Variants in ANKRD33B observed in about 807,000 individuals in gnomAD.
ANKRD33B encodes the protein ankyrin repeat domain 33B, also known as ankyrin repeat domain-containing protein 33B.
ANKRD33B carries 6 observed loss-of-function variants against 21.5 expected under a neutral mutation model. The ratio of observed to expected loss-of-function variants is 0.28; its 90% CI spans 0.15 to 0.55. ANKRD33B has a LOEUF of 0.55. Ranked by LOEUF, ANKRD33B falls within the 20% of genes least tolerant of loss-of-function variation. The pLI is 0.94. For synonymous variants in ANKRD33B, 347 were observed against 342.4 expected, an observed-to-expected ratio of 1.01 and a Z score of -0.15; for missense variants, 698 against 747.2, an observed-to-expected ratio of 0.93 and a Z score of 0.77.
At chr5:10,624,958 C>T (rs542434091) in intron 2 of ANKRD33B, 19 of 356,868 alleles carry the variant, frequency 5.3e-5, no homozygotes, top group African/African-American at 2.8e-4. Context: ...GCCCAGGGAC[C>T]CCACATTGAG....
intron 3 of ANKRD33B, among the ~76,000 whole-genome samples, chr5:10,641,565 C>T (rs1008808461): frequency 3.9e-5 from 6 of 152,096 alleles, no homozygotes; most frequent in Middle Eastern, 3.4e-3. Flanking sequence ...TCTGTCATAA[C>T]CTGTTGCCCA....
intron 1 of ANKRD33B, among the ~76,000 whole-genome samples, chr5:10,565,669 TAAG>T (rs1735032882): frequency 6.6e-6 from 1 of 152,196 alleles, no homozygotes; most frequent in South Asian, 2.1e-4. Flanking sequence ...AAAGTTGGCT[TAAG>T]AAGACCTGAG....
intron 3 of ANKRD33B, among the ~76,000 whole-genome samples, chr5:10,648,352 T>C (rs975192156): frequency 6.6e-6 from 1 of 152,246 alleles, no homozygotes; most frequent in Non-Finnish European, 1.5e-5. Context: ...AAGTGACTGT[T>C]ACTGGTCATA....
At chr5:10,580,355 G>A (rs1310084578) in intron 1 of ANKRD33B, among the ~76,000 whole-genome samples, 2 of 152,162 alleles carry the variant, frequency 1.3e-5, no homozygotes, top group African/African-American at 2.4e-5. Context: ...GAGGTCCTCC[G>A]AGTGTGGTCC....
chr5:10,641,494 T>A (rs56270360), intron 3 of ANKRD33B, among the ~76,000 whole-genome samples: 2 of 151,540 alleles, frequency 1.3e-5, no homozygotes, highest in Admixed American at 6.6e-5. Flanking sequence ...CTCCCAAAGT[T>A]CTGGGATTAT....
At chr5:10,569,376 C>G (rs1339655697) in intron 1 of ANKRD33B, among the ~76,000 whole-genome samples, 1 of 152,096 alleles carries the variant, frequency 6.6e-6, no homozygotes, top group Non-Finnish European at 1.5e-5. Flanking sequence ...GCAGGCAGAT[C>G]ACTTGAGCCT....
chr5:10,617,119 C>A (rs1736301742), intron 1 of ANKRD33B, among the ~76,000 whole-genome samples: 1 of 152,220 alleles, frequency 6.6e-6, no homozygotes, highest in Admixed American at 6.5e-5. Context: ...GATCTAATCA[C>A]CCCACCAAAG....
At chr5:10,587,403 A>G (rs894632120) in intron 1 of ANKRD33B, among the ~76,000 whole-genome samples, 7 of 152,242 alleles carry the variant, frequency 4.6e-5, no homozygotes, top group African/African-American at 1.7e-4. Context: ...ACCCGGCCAG[A>G]TTTTAGTGAT....
intron 2 of ANKRD33B, among the ~76,000 whole-genome samples, chr5:10,637,126 A>G (rs952196513): frequency 2.0e-5 from 3 of 152,118 alleles, no homozygotes; most frequent in African/African-American, 7.2e-5. Context: ...CTTATGAGCT[A>G]GCCGGCATCA....
At chr5:10,590,072 A>G (rs6870924) in intron 1 of ANKRD33B, among the ~76,000 whole-genome samples, 49,692 of 151,576 alleles carry the variant, frequency 0.33, 8,668 homozygotes, top group Admixed American at 0.48. Context: ...ATTATGCTGT[A>G]TTTCTAAAAT....
At chr5:10,585,941 A>G (rs1322228191) in intron 1 of ANKRD33B, among the ~76,000 whole-genome samples, 1 of 152,162 alleles carries the variant, frequency 6.6e-6, no homozygotes, top group Non-Finnish European at 1.5e-5. Flanking sequence ...TCCCTGTGCC[A>G]GGCTTTCCGC....
At chr5:10,573,644 A>G (rs1735251200) in intron 1 of ANKRD33B, among the ~76,000 whole-genome samples, 6 of 152,178 alleles carry the variant, frequency 3.9e-5, no homozygotes, top group African/African-American at 1.4e-4. Flanking sequence ...GAAACTTACA[A>G]TCATGGCAAA....
chr5:10,644,672 A>T (rs1279522297), intron 3 of ANKRD33B, among the ~76,000 whole-genome samples: 1 of 152,238 alleles, frequency 6.6e-6, no homozygotes, highest in Non-Finnish European at 1.5e-5. Context: ...AAGTCAGATG[A>T]TTTCCAACCA....
At chr5:10,638,268 T>C (rs1285043713) in intron 3 of ANKRD33B, 100 bp downstream of exon 3, 17 of 1,354,076 alleles carry the variant, frequency 1.3e-5, no homozygotes, top group Non-Finnish European at 1.6e-5. Flanking sequence ...ATAGAAACAA[T>C]GCCTAGTTGC....
chr5:10,600,169 T>C (rs917220021), intron 1 of ANKRD33B, among the ~76,000 whole-genome samples: 4 of 152,272 alleles, frequency 2.6e-5, no homozygotes, highest in African/African-American at 9.6e-5. Flanking sequence ...AGTTGCTTTT[T>C]CTGCTATCAT....
At chr5:10,581,733 T>C (rs1560963191) in intron 1 of ANKRD33B, among the ~76,000 whole-genome samples, 1 of 152,180 alleles carries the variant, frequency 6.6e-6, no homozygotes, top group Non-Finnish European at 1.5e-5. Context: ...ATAATTTGGG[T>C]GGACCTCATC....
intron 1 of ANKRD33B, among the ~76,000 whole-genome samples, chr5:10,588,507 TTC>T (rs1233146223): frequency 1.3e-5 from 2 of 152,136 alleles, no homozygotes; most frequent in Non-Finnish European, 2.9e-5. Flanking sequence ...GTGGAGTAAG[TTC>T]TCTTATTTTT....
At chr5:10,638,535 C>T (rs1397646249) in intron 3 of ANKRD33B, among the ~76,000 whole-genome samples, 2 of 152,220 alleles carry the variant, frequency 1.3e-5, no homozygotes, top group Admixed American at 6.5e-5. Flanking sequence ...TGAAGGTGGG[C>T]GTAGGGATGG....
At chr5:10,635,836 G>A (rs1285314260) in intron 2 of ANKRD33B, among the ~76,000 whole-genome samples, 1 of 150,518 alleles carries the variant, frequency 6.6e-6, no homozygotes, top group African/African-American at 2.4e-5. Context: ...TTGATATATC[G>A]GAGGGTTTCA....
Sources: allele counts gnomAD v4.1 joint callset (sites outside exome capture counted in the v4.1 genomes callset), GRCh38; gene constraint gnomAD v4.1.1; transcripts MANE v1.5; gene names NCBI Gene and HGNC (gene_info 2026-07-23, HGNC 2026-07-21).